The following RFX7 variants were observed in gnomAD, a reference collection of about 807,000 sequenced individuals.
The protein encoded by RFX7 is regulatory factor X7, also known as DNA-binding protein RFX7.
RFX7 carries 26 observed loss-of-function variants against 111.8 expected under a neutral mutation model. The ratio of observed to expected loss-of-function variants is 0.23; its 90% CI spans 0.17 to 0.32. RFX7 has a LOEUF of 0.32. Ranked by LOEUF, RFX7 falls within the 10% of genes least tolerant of loss-of-function variation. RFX7 has a pLI of 1.00. For missense variants in RFX7, 1,573 were observed against 1,772.9 expected (o/e 0.89, Z 2.02); for synonymous variants, 624 against 624.4 (o/e 1.00, Z 0.01).
chr15:56,116,862 T>C lies in RFX7; in HGVS notation c.402-13192A>G, dbSNP rs182856950. Among the ~76,000 whole-genome samples the C allele has an allele frequency of 4.3e-3, 648 of 152,276 alleles. 5 individuals are homozygous for C. The highest frequency in any genetic ancestry group is 6.7e-3 in the Non-Finnish European group (456 of 68,020). ...TACAGTTGTACAAATTGTACAAACA[T>C]TGTACAGTTGTACAAACTGTACAAA... On this transcript the variant is annotated intron_variant, in intron 5 of 9. Coordinates refer to ENST00000559447, the MANE Select transcript of RFX7 (RefSeq NM_022841.7).
intron 2 of RFX7, among the ~76,000 whole-genome samples, chr15:56,181,759 A>G (rs900933721): frequency 5.3e-5 from 8 of 152,204 alleles, no homozygotes; most frequent in Non-Finnish European, 1.2e-4. Flanking sequence ...GGATGGTTCT[A>G]TCCACCTATC....
At chr15:56,233,867 CG>C in intron 2 of RFX7, among the ~76,000 whole-genome samples, 1 of 152,232 alleles carries the variant, frequency 6.6e-6, no homozygotes, top group East Asian at 1.9e-4. Context: ...ACTTGTACAT[CG>C]AAACTTAACA....
chr15:56,155,487 C>A (rs577045145), intron 3 of RFX7, among the ~76,000 whole-genome samples: 1 of 152,140 alleles, frequency 6.6e-6, no homozygotes, highest in African/African-American at 2.4e-5. Context: ...AGCTGGAAAC[C>A]GTCATTCTCA....
Position 56,243,286 on chromosome 15 carries a change from C to T in RFX7, c.-1G>A. 3.7e-6 allele frequency: 2 copies of T among 542,454 alleles called. No individual in the cohort carries two copies. Among genetic ancestry groups the T allele is most frequent in the South Asian group, 1.7e-5 (1 of 57,942 alleles). The allele number at this position is 542,454 out of a possible 1,614,324, so 33.6% of individuals were successfully genotyped here. A position where few individuals can be genotyped will look rare whatever the true frequency, so the allele number is the denominator to read the frequency against. On this transcript the variant is annotated splice_region_variant and 5_prime_UTR_variant, in exon 2 of 10. Coordinates refer to ENST00000559447, the MANE Select transcript of RFX7 (RefSeq NM_022841.7). Reference sequence around the variant, plus strand: ...GCGGCTGTTGTTGTTCCTCTGCCATCGCTGCAGAGGGGTGGGAGGGAGGGA... The same window carrying T: ...GCGGCTGTTGTTGTTCCTCTGCCATTGCTGCAGAGGGGTGGGAGGGAGGGA...
chr15:56,109,799 C>T (rs2041887031), intron 5 of RFX7, among the ~76,000 whole-genome samples: 1 of 150,670 alleles, frequency 6.6e-6, no homozygotes, highest in South Asian at 2.1e-4. Flanking sequence ...GTGAGGAGCC[C>T]CTCCGCCCAG....
chr15:56,126,015 G>C (rs2042140673), intron 5 of RFX7, among the ~76,000 whole-genome samples: 1 of 152,158 alleles, frequency 6.6e-6, no homozygotes, highest in African/African-American at 2.4e-5. Flanking sequence ...TCTTTATAAA[G>C]GCTTTGATCT....
At chr15:56,144,169 A>C (rs2042438097) in intron 4 of RFX7, among the ~76,000 whole-genome samples, 1 of 152,164 alleles carries the variant, frequency 6.6e-6, no homozygotes, top group Non-Finnish European at 1.5e-5. Context: ...CAAAACCCAA[A>C]TTGCATGTCA....
intron 5 of RFX7, among the ~76,000 whole-genome samples, chr15:56,132,525 C>G (rs1473532995): frequency 6.6e-6 from 1 of 151,824 alleles, no homozygotes; most frequent in Non-Finnish European, 1.5e-5. Context: ...TATCTAATAG[C>G]ATTTACTAAA....
intron 5 of RFX7, among the ~76,000 whole-genome samples, chr15:56,137,594 T>G (rs2042323347): frequency 6.6e-6 from 1 of 152,060 alleles, no homozygotes; most frequent in African/African-American, 2.4e-5. Flanking sequence ...TTTTGAAGGG[T>G]TTTTTGTGTC....
chr15:56,156,843 T>C, intron 3 of RFX7, among the ~76,000 whole-genome samples: 1 of 152,218 alleles, frequency 6.6e-6, no homozygotes, highest in East Asian at 1.9e-4. Flanking sequence ...CATTTGAGTT[T>C]AACAGAGTAG....
chr15:56,117,546 G>C (rs1349822846), intron 5 of RFX7, among the ~76,000 whole-genome samples: 3 of 152,088 alleles, frequency 2.0e-5, no homozygotes, highest in Non-Finnish European at 4.4e-5. Flanking sequence ...CTACTGTTAA[G>C]CATAGTCATT....
intron 5 of RFX7, among the ~76,000 whole-genome samples, chr15:56,117,034 G>GT (rs2042018045): frequency 6.6e-6 from 1 of 152,196 alleles, no homozygotes; most frequent in Non-Finnish European, 1.5e-5. Flanking sequence ...AAGAGAGTGA[G>GT]TGTAAGAGGT....
chr15:56,227,480 C>T (rs2043497712), intron 2 of RFX7, among the ~76,000 whole-genome samples: 1 of 152,074 alleles, frequency 6.6e-6, no homozygotes, highest in Non-Finnish European at 1.5e-5. Context: ...TATATGATTC[C>T]ATATTCTCAA....
chr15:56,180,864 G>A (rs1315137013), intron 2 of RFX7, among the ~76,000 whole-genome samples: 2 of 151,892 alleles, frequency 1.3e-5, no homozygotes, highest in Non-Finnish European at 2.9e-5. Flanking sequence ...TTGCAGTGAG[G>A]TGAGATTGTG....
chr15:56,121,952 A>C (rs1161408940), intron 5 of RFX7, among the ~76,000 whole-genome samples: 2 of 152,216 alleles, frequency 1.3e-5, no homozygotes, highest in Non-Finnish European at 2.9e-5. Context: ...GAGCTCCCTC[A>C]AAAGAGCAAT....
chr15:56,194,271 C>G (rs1020601774), intron 2 of RFX7, among the ~76,000 whole-genome samples: 1 of 152,110 alleles, frequency 6.6e-6, no homozygotes, highest in African/African-American at 2.4e-5. Flanking sequence ...TGACTCACAA[C>G]TCCTATATAC....
Position 56,101,548 on chromosome 15 carries a change from A to G in RFX7, c.622T>C (p.Ser208Pro), listed in dbSNP as rs1887595170. Residue 208 changes from serine (S) to proline (P), a missense_variant, in exon 8 of 10, where the codon TCT (serine) becomes CCT (proline). Transcript: ENST00000559447. ...TGDGLEGAEPSGQLQNIDEEV... is the reference protein window; with the variant it reads ...TGDGLEGAEPPGQLQNIDEEV... ...TCATCAATATTTTGAAGCTGCCCAG[A>G]AGGTTCAGCTCCTTCCAACTAGGCA... The G allele has an allele frequency of 3.1e-6, 5 of 1,613,604 alleles. No homozygotes were observed. The highest frequency in any genetic ancestry group is 1.7e-5 in the Admixed American group (1 of 59,962).
intron 5 of RFX7, among the ~76,000 whole-genome samples, chr15:56,119,723 G>T (rs1451627643): frequency 6.6e-6 from 1 of 150,694 alleles, no homozygotes; most frequent in African/African-American, 2.5e-5. Context: ...GCTGCAATGA[G>T]CTGAGATCGC....
At chr15:56,101,217 A>G (rs1363958879) in intron 8 of RFX7, 142 bp downstream of exon 8, 2 of 658,906 alleles carry the variant, frequency 3.0e-6, no homozygotes, top group Non-Finnish European at 5.3e-6. Context: ...GACCCATCTG[A>G]ATTTAGTGTT....
Sources: allele counts gnomAD v4.1 joint callset (sites outside exome capture counted in the v4.1 genomes callset), GRCh38; gene constraint gnomAD v4.1.1; transcripts MANE v1.5; gene names NCBI Gene and HGNC (gene_info 2026-07-23, HGNC 2026-07-21).